The following MLIP variants were observed in gnomAD, a reference collection of about 807,000 sequenced individuals.
The protein encoded by MLIP is muscular LMNA interacting protein.
In MLIP, 79 loss-of-function variants were observed where a neutral mutation model predicts 84.8. The ratio of observed to expected loss-of-function variants is 0.93; its 90% CI spans 0.78 to 1.12. The LOEUF (loss-of-function observed/expected upper bound fraction) is 1.12, where lower values mean the gene tolerates loss of function less well. Ranked by LOEUF, MLIP falls within the 50% of genes most tolerant of loss-of-function variation. MLIP has a pLI of 0.00. For missense variants in MLIP, 1,257 were observed against 1,160.6 expected, an observed-to-expected ratio of 1.08 and a Z score of -1.21; for synonymous variants, 504 against 463.0, an observed-to-expected ratio of 1.09 and a Z score of -1.14.
At chr6:54,134,367 T>C (rs1771634450) in intron 3 of MLIP, among the ~76,000 whole-genome samples, 1 of 152,064 alleles carries the variant, frequency 6.6e-6, no homozygotes, top group Non-Finnish European at 1.5e-5. Flanking sequence ...GTGTCACATT[T>C]TTATATTGGT....
chr6:54,113,955 C>T (rs1408963142), intron 1 of MLIP, among the ~76,000 whole-genome samples: 7 of 152,198 alleles, frequency 4.6e-5, no homozygotes, highest in Non-Finnish European at 8.8e-5. Context: ...CAAAGCATTC[C>T]TTGAGAGACT....
chr6:54,239,776 G>A (rs1781609871), intron 12 of MLIP, among the ~76,000 whole-genome samples: 2 of 151,698 alleles, frequency 1.3e-5, no homozygotes, highest in Non-Finnish European at 2.9e-5. Context: ...GACAGAGCAA[G>A]ATTCTGTCTA....
At chr6:54,043,261 C>T (rs1462996116) in intron 1 of MLIP, 1 of 152,182 alleles carries the variant, frequency 6.6e-6, no homozygotes, top group Admixed American at 6.5e-5. Context: ...TTTATATCAA[C>T]AATGAGTGTG....
intron 1 of MLIP, among the ~76,000 whole-genome samples, chr6:54,117,266 A>G (rs1468447956): frequency 3.0e-5 from 4 of 134,104 alleles, no homozygotes; most frequent in African/African-American, 1.1e-4. Context: ...CCCAGGCTGG[A>G]GCACAGTGGC....
chr6:54,162,192 C>T (rs1295533978), intron 8 of MLIP, among the ~76,000 whole-genome samples: 2 of 151,868 alleles, frequency 1.3e-5, no homozygotes, highest in African/African-American at 2.4e-5. Context: ...ATGTAGTGAT[C>T]AAGGGGTAGA....
At chr6:54,186,617 A>G (rs1777420872) in intron 9 of MLIP, among the ~76,000 whole-genome samples, 1 of 152,220 alleles carries the variant, frequency 6.6e-6, no homozygotes, top group Non-Finnish European at 1.5e-5. Context: ...GACTTTCTTC[A>G]CATGGTGGCG....
intron 12 of MLIP, among the ~76,000 whole-genome samples, chr6:54,245,276 G>A (rs1782002216): frequency 6.6e-6 from 1 of 152,268 alleles, no homozygotes; most frequent in Admixed American, 6.5e-5. Context: ...AGAAGGGAGT[G>A]AATTCAAATT....
At chr6:54,073,245 T>A (rs1195828405) in intron 1 of MLIP, among the ~76,000 whole-genome samples, 2 of 152,186 alleles carry the variant, frequency 1.3e-5, no homozygotes, top group Non-Finnish European at 2.9e-5. Context: ...ACCACCTTTT[T>A]GTATCAGCTT....
intron 1 of MLIP, among the ~76,000 whole-genome samples, chr6:54,094,345 GA>G (rs1768066004): frequency 6.6e-6 from 1 of 151,828 alleles, no homozygotes. Context: ...AGTATTTTGA[GA>G]GAAAACTCAG....
intron 3 of MLIP, 31 bp downstream of exon 3, chr6:54,124,896 A>T: frequency 6.7e-7 from 1 of 1,500,336 alleles, no homozygotes; most frequent in Non-Finnish European, 8.9e-7. Flanking sequence ...GTCCATAAGG[A>T]AAAAAAAAGC....
chr6:54,120,120 T>G (rs184369737), intron 1 of MLIP, among the ~76,000 whole-genome samples: 26 of 152,238 alleles, frequency 1.7e-4, no homozygotes, highest in Non-Finnish European at 3.5e-4. Context: ...GTACTTCTCA[T>G]GCAAACTTCT....
intron 1 of MLIP, among the ~76,000 whole-genome samples, chr6:54,056,165 G>C (rs1366214218): frequency 2.6e-5 from 4 of 152,062 alleles, no homozygotes; most frequent in Admixed American, 2.6e-4. Flanking sequence ...CTTTGTTTAC[G>C]TGAATTATTT....
intron 9 of MLIP, among the ~76,000 whole-genome samples, chr6:54,170,204 C>A (rs1432113651): frequency 6.6e-6 from 1 of 151,742 alleles, no homozygotes; most frequent in East Asian, 1.9e-4. Flanking sequence ...TCTGACCAAA[C>A]GTATTCTAGT....
intron 9 of MLIP, among the ~76,000 whole-genome samples, chr6:54,185,413 C>A (rs989013970): frequency 6.6e-6 from 1 of 152,086 alleles, no homozygotes; most frequent in Non-Finnish European, 1.5e-5. Flanking sequence ...ATAAAAATGT[C>A]TGGGGGTGTC....
At position 54,215,306 on chromosome 6, in the gene MLIP, GGGCTCTTGTGATTTTTGAAAAAA is replaced by G; in HGVS notation, c.2718+13074_2718+13096del. The G allele has an allele frequency of 2.9e-6, 4 of 1,398,264 alleles. No homozygotes were observed. In the South Asian group the frequency reaches 6.7e-5, roughly 24 times the overall value. 86.6% of individuals were successfully genotyped at this position (1,398,264 alleles called of 1,614,324 possible). ...TGATAGAATTCAATGGCAAGAACAT[GGGCTCTTGTGATTTTTGAAAAAA>G]TCAGTCCTTACTGAACTTCAATTTT... On this transcript the variant is annotated intron_variant, in intron 11 of 13. Transcript: ENST00000502396.
chr6:54,137,803 C>T lies in MLIP; in HGVS notation c.1734C>T (p.Asn578=). The stretch of plus-strand genomic sequence containing the variant: ...TCAGGGGTCCAGAAAACCCCAGAAA[C>T]ATTCACACGTACCCTTCTACATTAG... The part of the protein sequence containing the change: ...GDLRGPENPR[N]IHTYPSTLAS... The change falls in exon 4 of 14, where the codon AAC becomes AAT. Residue 578 remains asparagine (N), a synonymous_variant. Coordinates refer to ENST00000502396, the MANE Select transcript of MLIP (RefSeq NM_001281747.2). 6.5e-7 allele frequency: 1 copy of T among 1,536,090 alleles called. No individual in the cohort carries two copies. Among genetic ancestry groups the T allele is most frequent in the Middle Eastern group, 1.7e-4 (1 of 5,990 alleles).
chr6:54,178,341 T>A (rs1776512158), intron 9 of MLIP, among the ~76,000 whole-genome samples: 1 of 152,170 alleles, frequency 6.6e-6, no homozygotes, highest in African/African-American at 2.4e-5. Context: ...ATTTGTCAAT[T>A]TTCTTTCTTT....
chr6:54,117,030 T>C (rs1292913003), intron 1 of MLIP, among the ~76,000 whole-genome samples: 1 of 152,138 alleles, frequency 6.6e-6, no homozygotes. Context: ...GAAAAGCATT[T>C]GACAAAATTT....
chr6:54,250,609 G>A (rs1385550869), intron 12 of MLIP, among the ~76,000 whole-genome samples: 57 of 152,062 alleles, frequency 3.7e-4, no homozygotes, highest in Admixed American at 3.7e-3. Flanking sequence ...ACTTTCAAGG[G>A]CTTACAGATG....
Sources: allele counts gnomAD v4.1 joint callset (sites outside exome capture counted in the v4.1 genomes callset), GRCh38; gene constraint gnomAD v4.1.1; transcripts MANE v1.5; gene names NCBI Gene and HGNC (gene_info 2026-07-23, HGNC 2026-07-21).